Variants in TSHZ2 observed in about 807,000 individuals in gnomAD.
TSHZ2 encodes teashirt zinc finger homeobox 2.
A neutral mutation model predicts 74.4 loss-of-function variants in TSHZ2; 21 were observed. The observed-to-expected ratio is 0.28, with a 90% CI of 0.20 to 0.41. The LOEUF (loss-of-function observed/expected upper bound fraction) is 0.41. Among genes scored for constraint, TSHZ2 ranks in the 10% least tolerant of loss-of-function variants. TSHZ2 has a pLI of 1.00. For missense variants in TSHZ2, 1,244 were observed against 1,293.5 expected (o/e 0.96, Z 0.59); for synonymous variants, 540 against 515.3 (o/e 1.05, Z -0.65).
At chr20:53,068,624 T>G (rs1257855283) in intron 1 of TSHZ2, among the ~76,000 whole-genome samples, 1 of 152,158 alleles carries the variant, frequency 6.6e-6, no homozygotes, top group Non-Finnish European at 1.5e-5. Flanking sequence ...GTCATAACAA[T>G]CACACCAGTG....
intron 2 of TSHZ2, among the ~76,000 whole-genome samples, chr20:53,284,507 G>A (rs909572901): frequency 1.3e-5 from 2 of 152,168 alleles, no homozygotes; most frequent in African/African-American, 2.4e-5. Context: ...TTGGTGAGCC[G>A]ATTCCCGATG....
At chr20:53,162,351 A>G (rs1293402) in intron 1 of TSHZ2, among the ~76,000 whole-genome samples, 64,880 of 151,990 alleles carry the variant, frequency 0.43, 15,707 homozygotes, top group African/African-American at 0.67. Context: ...CGGCCATCCC[A>G]TTTGTGAGAA....
intron 2 of TSHZ2, among the ~76,000 whole-genome samples, chr20:53,407,053 C>T (rs778855583): frequency 1.3e-5 from 2 of 152,196 alleles, no homozygotes; most frequent in Non-Finnish European, 2.9e-5. Flanking sequence ...CAGGGAAACA[C>T]AGCAGTGGGG....
intron 2 of TSHZ2, among the ~76,000 whole-genome samples, chr20:53,372,894 A>G (rs894852180): frequency 2.0e-5 from 3 of 152,212 alleles, no homozygotes; most frequent in African/African-American, 7.2e-5. Context: ...GGGGAGGAAA[A>G]GCAAACCGCT....
chr20:53,196,523 T>C (rs550559869), intron 1 of TSHZ2: 82 of 152,204 alleles, frequency 5.4e-4, no homozygotes, highest in African/African-American at 1.9e-3. Flanking sequence ...CCCGGAATTA[T>C]AGGAAGGACT....
At chr20:53,283,925 C>T (rs1991112707) in intron 2 of TSHZ2, among the ~76,000 whole-genome samples, 1 of 152,284 alleles carries the variant, frequency 6.6e-6, no homozygotes, top group African/African-American at 2.4e-5. Context: ...AACCTGTGCT[C>T]GCCTGCTCCA....
rs371279291 is a variant in TSHZ2, at chr20:52,973,029, TAAAC to T, written c.-250_-247del. The stretch of plus-strand genomic sequence containing the variant: ...AAGAGAGAGGAAAAAAAATTCAAAA[TAAAC>T]AAACAAACAAACAAGGCAGAACCAA... On this transcript the variant is annotated 5_prime_UTR_variant, in exon 1 of 3. The change creates a premature stop within an existing upstream ORF in the 5' untranslated region. Coordinates refer to ENST00000371497, the MANE Select transcript of TSHZ2 (RefSeq NM_173485.6). 1.6e-3 allele frequency: 625 copies of T among 380,614 alleles called. 6 individuals carry two copies. The highest frequency in any genetic ancestry group is 0.011 in the African/African-American group (491 of 43,582). 23.6% of individuals were successfully genotyped at this position (380,614 alleles called of 1,614,324 possible).
intron 1 of TSHZ2, among the ~76,000 whole-genome samples, chr20:53,119,973 A>G (rs1271981615): frequency 6.6e-6 from 1 of 152,132 alleles, no homozygotes; most frequent in Non-Finnish European, 1.5e-5. Context: ...TGAGGTGCCT[A>G]TGTTTTGTTT....
intron 1 of TSHZ2, among the ~76,000 whole-genome samples, chr20:53,055,538 TTGAG>T (rs1292367229): frequency 1.3e-5 from 2 of 152,222 alleles, no homozygotes; most frequent in Non-Finnish European, 1.5e-5. Flanking sequence ...TGCATGAACT[TTGAG>T]TGATTTATAG....
chr20:53,122,461 A>G (rs1213584433), intron 1 of TSHZ2, among the ~76,000 whole-genome samples: 4 of 152,154 alleles, frequency 2.6e-5, no homozygotes, highest in Non-Finnish European at 5.9e-5. Flanking sequence ...CTAGACTTCA[A>G]GTTAATTTCT....
chr20:53,224,614 C>T (rs904811075), intron 1 of TSHZ2, among the ~76,000 whole-genome samples: 3 of 152,148 alleles, frequency 2.0e-5, no homozygotes, highest in African/African-American at 7.2e-5. Flanking sequence ...CTTTGGGAGG[C>T]TGAGGCGGAT....
intron 2 of TSHZ2, among the ~76,000 whole-genome samples, chr20:53,262,840 T>C (rs746959959): frequency 6.6e-6 from 1 of 152,056 alleles, no homozygotes; most frequent in African/African-American, 2.4e-5. Context: ...TTAAATCCAG[T>C]GTAAATGTTA....
At chr20:53,473,966 AAAAAG>A (rs960613851) in intron 2 of TSHZ2, among the ~76,000 whole-genome samples, 2 of 151,974 alleles carry the variant, frequency 1.3e-5, no homozygotes, top group Non-Finnish European at 2.9e-5. Context: ...AAAAAAGAAT[AAAAAG>A]AAATGAGCAA....
intron 1 of TSHZ2, among the ~76,000 whole-genome samples, chr20:53,083,567 G>A (rs570242483): frequency 2.6e-5 from 4 of 152,288 alleles, no homozygotes; most frequent in South Asian, 2.1e-4. Context: ...AACAGTTTTC[G>A]AAGTCAGACA....
At chr20:53,481,606 A>T (rs1054292018) in intron 2 of TSHZ2, among the ~76,000 whole-genome samples, 23 of 151,954 alleles carry the variant, frequency 1.5e-4, no homozygotes, top group African/African-American at 2.2e-4. Context: ...AAAGAATTTT[A>T]AAAAAATAAT....
intron 1 of TSHZ2, among the ~76,000 whole-genome samples, chr20:52,975,683 A>G (rs1331111916): frequency 6.6e-6 from 1 of 152,192 alleles, no homozygotes; most frequent in Non-Finnish European, 1.5e-5. Flanking sequence ...TTTCGTACAC[A>G]GTGAGGGCCC....
At chr20:53,011,213 G>A (rs921227074) in intron 1 of TSHZ2, among the ~76,000 whole-genome samples, 1 of 152,122 alleles carries the variant, frequency 6.6e-6, no homozygotes, top group African/African-American at 2.4e-5. Context: ...AGCTAAGCAG[G>A]GGTGTCATGA....
chr20:53,463,434 G>GAA (rs1600661241), intron 2 of TSHZ2, among the ~76,000 whole-genome samples: 1 of 101,506 alleles, frequency 9.9e-6, no homozygotes, highest in Non-Finnish European at 1.9e-5. Context: ...AAGGAAGGAA[G>GAA]GAGGGAGGGA....
At chr20:53,475,128 G>C (rs1600669159) in intron 2 of TSHZ2, among the ~76,000 whole-genome samples, 2 of 140,390 alleles carry the variant, frequency 1.4e-5, no homozygotes, top group East Asian at 4.5e-4. Flanking sequence ...GGATACCCAG[G>C]AATTGAACTC....
Sources: allele counts gnomAD v4.1 joint callset (sites outside exome capture counted in the v4.1 genomes callset), GRCh38; gene constraint gnomAD v4.1.1; transcripts MANE v1.5; gene names NCBI Gene and HGNC (gene_info 2026-07-23, HGNC 2026-07-21).